GEMIN5: variants seen among roughly 807,000 people sequenced by gnomAD.
GEMIN5 encodes gem-associated protein 5.
Under a neutral mutation model 176.9 loss-of-function variants are expected in GEMIN5, and 124 were observed. The observed-to-expected ratio is 0.70, with a 90% CI of 0.61 to 0.81. The LOEUF is 0.81. GEMIN5 is among the 40% of genes least tolerant of loss of function. GEMIN5 has a pLI of 0.00. For synonymous variants in GEMIN5, 673 were observed against 665.2 expected, an observed-to-expected ratio of 1.01 and a Z score of -0.18; for missense variants, 1,843 against 1,814.6, an observed-to-expected ratio of 1.02 and a Z score of -0.28.
rs747759345 is a variant in GEMIN5 at position 154,938,144 on chromosome 5, C to A, written c.-11G>T. The A allele has an allele frequency of 1.0e-5, 14 of 1,366,394 alleles. No homozygotes were observed. Among genetic ancestry groups the A allele is most frequent in the Non-Finnish European group, 1.3e-5 (14 of 1,053,248 alleles). The allele number at this position is 1,366,394 out of a possible 1,614,324, so 84.6% of individuals were successfully genotyped here. A position where few individuals can be genotyped will look rare whatever the true frequency, so the allele number is the denominator to read the frequency against. ...CGGCTCCTGCCCCATAACTACAAGCCGTCAGAGACAAGAGAAGCTGCCACA... is the reference window on the plus strand; with the variant it reads ...CGGCTCCTGCCCCATAACTACAAGCAGTCAGAGACAAGAGAAGCTGCCACA... On this transcript the variant is annotated 5_prime_UTR_variant, in exon 1 of 28. Coordinates refer to ENST00000285873, the MANE Select transcript of GEMIN5 (RefSeq NM_015465.5).
chr5:154,891,214 C>A, intron 26 of GEMIN5, 27 bp downstream of exon 26: 1 of 1,578,594 alleles, frequency 6.3e-7, no homozygotes, highest in Admixed American at 1.8e-5. Flanking sequence ...ATTTTTCATT[C>A]CGTCTTGTAC....
chr5:154,893,097 A>AAAACAAAC lies in GEMIN5; in HGVS notation c.3598-556_3598-549dup, dbSNP rs144711443. Reference sequence around the variant, plus strand: ...GAGCATGAGAGTGAGACTCCCTCTCAAAACAAACAAACAAACAACAAAAAC... The same window carrying AAAACAAAC: ...GAGCATGAGAGTGAGACTCCCTCTCAAAACAAACAAACAAACAAACAAACAACAAAAAC... On this transcript the variant is annotated intron_variant, in intron 24 of 27. Coordinates refer to ENST00000285873, the MANE Select transcript of GEMIN5 (RefSeq NM_015465.5). Among the ~76,000 whole-genome samples, 357 of 151,476 alleles carry AAAACAAAC rather than the reference A, an allele frequency of 2.4e-3. 1 individual carries two copies. Among genetic ancestry groups the AAAACAAAC allele is most frequent in the African/African-American group, 8.1e-3 (333 of 41,140 alleles).
chr5:154,899,378 T>A (rs181313853), intron 21 of GEMIN5, 68 bp from the exon 22 acceptor site: 20 of 1,320,000 alleles, frequency 1.5e-5, no homozygotes, highest in Non-Finnish European at 2.0e-5. Context: ...TAGGAGGGGC[T>A]GTAAGACAGG....
chr5:154,903,025 A>G (rs1475499027), intron 19 of GEMIN5, 55 bp downstream of exon 19: 2 of 1,162,154 alleles, frequency 1.7e-6, no homozygotes, highest in East Asian at 2.4e-5. Flanking sequence ...GGTGCACACA[A>G]AATGTTGGGA....
chr5:154,894,088 G>C (rs747121716), intron 24 of GEMIN5, among the ~76,000 whole-genome samples: 18 of 152,022 alleles, frequency 1.2e-4, no homozygotes, highest in Non-Finnish European at 1.9e-4. Flanking sequence ...GGGATTACAG[G>C]CTTGTGCTAC....
At chr5:154,924,131 T>C (rs1763979952) in intron 9 of GEMIN5, among the ~76,000 whole-genome samples, 1 of 152,256 alleles carries the variant, frequency 6.6e-6, no homozygotes, top group Non-Finnish European at 1.5e-5. Flanking sequence ...AACTCTGGTG[T>C]GTATTTTACA....
chr5:154,892,820 C>T (rs1259084668), intron 24 of GEMIN5, among the ~76,000 whole-genome samples: 2 of 152,158 alleles, frequency 1.3e-5, no homozygotes, highest in Non-Finnish European at 2.9e-5. Flanking sequence ...AAAAGTGGGC[C>T]AGGCGCGGTG....
chr5:154,891,338 G>C lies in GEMIN5; in HGVS notation c.4165C>G (p.Gln1389Glu), dbSNP rs771256886. 1.2e-6 allele frequency: 2 copies of C among 1,613,906 alleles called. No homozygotes were observed. The highest frequency in any genetic ancestry group is 1.7e-5 in the Admixed American group (1 of 60,014). ...GTGGATTTACAGAGTTGACTCTTTT[G>C]GTGTTGTCGGATCATTTCTGCCAAG... The part of the protein sequence containing the change: ...ETLAEMIRQH[Q>E]KSQLCKSTAN... The change falls in exon 26 of 28, where the codon CAA becomes GAA. Residue 1389 changes from glutamine to glutamate, a missense_variant. Physicochemically the swap from Gln to Glu is conservative, Grantham distance 29. Transcript: ENST00000285873.
At chr5:154,932,378 G>A in intron 3 of GEMIN5, 128 bp from the exon 4 acceptor site, 3 of 652,530 alleles carry the variant, frequency 4.6e-6, no homozygotes, top group South Asian at 3.8e-5. Context: ...TGGCGGAGGA[G>A]GGAAGAGGAC....
rs550933895 is a variant in GEMIN5, at chr5:154,888,336, C to G, written c.4401G>C (p.Leu1467=). The G allele has an allele frequency of 1.2e-6, 2 of 1,614,098 alleles. No individual in the cohort carries two copies. The highest frequency in any genetic ancestry group is 1.1e-5 in the South Asian group (1 of 91,078). The change falls in exon 28 of 28, where the codon CTG becomes CTC. Residue 1467 remains leucine (L), a synonymous_variant. Transcript: ENST00000285873. ...CAGGAAAGTGGGACCTGATGAGAAG[C>G]AGGACGAGGCAGCACTCCAGCACAT... ...FPDVLECCLV[L]LLIRSHFPGC...
chr5:154,891,158 G>C (rs1228140933), intron 26 of GEMIN5, 83 bp downstream of exon 26: 1 of 1,214,046 alleles, frequency 8.2e-7, no homozygotes, highest in African/African-American at 1.7e-5. Context: ...GCCTCCCAAA[G>C]TGCTGGGATT....
At chr5:154,915,545 T>C (rs778289614) in intron 13 of GEMIN5, among the ~76,000 whole-genome samples, 1 of 152,230 alleles carries the variant, frequency 6.6e-6, no homozygotes, top group Non-Finnish European at 1.5e-5. Flanking sequence ...GGAATAGTAC[T>C]TGCTAGAACA....
chr5:154,934,430 G>C (rs150254240), intron 3 of GEMIN5, among the ~76,000 whole-genome samples: 38 of 152,238 alleles, frequency 2.5e-4, no homozygotes, highest in African/African-American at 8.9e-4. Flanking sequence ...GCCCACCTCG[G>C]CCTCTCAAAG....
intron 15 of GEMIN5, among the ~76,000 whole-genome samples, chr5:154,909,282 C>T (rs965555857): frequency 1.3e-5 from 2 of 151,568 alleles, no homozygotes; most frequent in African/African-American, 2.4e-5. Flanking sequence ...AGGTGAACTT[C>T]TAATTCCAGG....
chr5:154,931,953 C>A lies in GEMIN5; in HGVS notation c.661+146G>T, dbSNP rs938689029. 3.5e-5 allele frequency: 23 copies of A among 652,614 alleles called. No individual in the cohort carries two copies. In the East Asian group the frequency reaches 6.3e-4, roughly 18 times the overall value. The allele number at this position is 652,614 out of a possible 1,614,324, so 40.4% of individuals were successfully genotyped here. A position where few individuals can be genotyped will look rare whatever the true frequency, so the allele number is the denominator to read the frequency against. On this transcript the variant is annotated intron_variant, in intron 4 of 27. Transcript: ENST00000285873. The stretch of plus-strand genomic sequence containing the variant: ...GCTTGAACCCGGGAGGCGGAGGTTG[C>A]GGTGAGCCGAGATCACGCTCCAGCC...
In GEMIN5 at chr5:154,902,535, A is replaced by G. The variant is rs1233074993; in HGVS notation, c.2866+4T>C. 2.5e-6 allele frequency: 4 copies of G among 1,613,714 alleles called. No individual in the cohort carries two copies. Among genetic ancestry groups the G allele is most frequent in the Middle Eastern group, 1.6e-4 (1 of 6,076 alleles). On this transcript the variant is annotated splice_donor_region_variant and intron_variant, in intron 20 of 27. Transcript: ENST00000285873. ...TGAAAAGAACAAACAAACAAAAACC[A>G]TACCTGCTGGTGCCATAGCCACAAG...
chr5:154,931,509 T>C lies in GEMIN5; in HGVS notation c.730A>G (p.Thr244Ala). The C allele has an allele frequency of 1.2e-6, 2 of 1,613,154 alleles. No homozygotes were observed. Among genetic ancestry groups the C allele is most frequent in the Non-Finnish European group, 1.7e-6 (2 of 1,179,130 alleles). ...APVTKGCYLA[T>A]GSKDQTIRIW... The stretch of plus-strand genomic sequence containing the variant: ...CGAATGGTTTGATCTTTGCTTCCAG[T>C]GGCTAAGTAGCAACCTTTTGTTACT... The change falls in exon 5 of 28, where the codon ACT (threonine) becomes GCT (alanine). Residue 244 changes from threonine to alanine, a missense_variant. Physicochemically the swap from Thr to Ala is moderately conservative, Grantham distance 58. Transcript: ENST00000285873.
chr5:154,921,224 A>G (rs1328761899), intron 10 of GEMIN5, 119 bp downstream of exon 10: 10 of 644,246 alleles, frequency 1.6e-5, no homozygotes, highest in African/African-American at 3.8e-5. Flanking sequence ...GGACATAAGT[A>G]GCCCACATAA....
Position 154,925,992 on chromosome 5 carries a change from G to A in GEMIN5, c.1163C>T (p.Ser388Phe). Residue 388 changes from serine (S) to phenylalanine (F), a missense_variant, in exon 8 of 28, where the codon TCT (serine) becomes TTT (phenylalanine). Ser to Phe is a radical substitution (Grantham distance 155). Coordinates refer to ENST00000285873, the MANE Select transcript of GEMIN5 (RefSeq NM_015465.5). ...GGCCAAAGAGCCTATGTCCACAGAA[G>A]AGAAAGCCAGGCTGTATGCAAACCC... ...LGGFAYSLAF[S>F]SVDIGSLAIG... The A allele has an allele frequency of 6.2e-7, 1 of 1,613,490 alleles. No homozygotes were observed. The highest frequency in any genetic ancestry group is 8.5e-7 in the Non-Finnish European group (1 of 1,179,456).
Sources: allele counts gnomAD v4.1 joint callset (sites outside exome capture counted in the v4.1 genomes callset), GRCh38; gene constraint gnomAD v4.1.1; transcripts MANE v1.5; gene names NCBI Gene and HGNC (gene_info 2026-07-23, HGNC 2026-07-21).